Variants in RBL2 observed in about 807,000 individuals in gnomAD.
RBL2 encodes RB transcriptional corepressor like 2.
In RBL2, 56 loss-of-function variants were observed where a neutral mutation model predicts 126.0. The ratio of observed to expected loss-of-function variants is 0.44; its 90% CI spans 0.36 to 0.56. The LOEUF (loss-of-function observed/expected upper bound fraction) is 0.56, where lower values mean the gene tolerates loss of function less well. Ranked by LOEUF, RBL2 falls within the 20% of genes least tolerant of loss-of-function variation. RBL2 has a pLI of 0.00. For synonymous variants in RBL2, 454 were observed against 478.5 expected, an observed-to-expected ratio of 0.95 and a Z score of 0.67; for missense variants, 1,229 against 1,398.2, an observed-to-expected ratio of 0.88 and a Z score of 1.93.
At chr16:53,435,821 G>C in intron 1 of RBL2, 1 of 1,164,634 alleles carries the variant, frequency 8.6e-7, no homozygotes, top group Non-Finnish European at 1.1e-6. Flanking sequence ...TGCATTAATA[G>C]AATTTTAATT....
intron 20 of RBL2, 41 bp from the exon 21 acceptor site, chr16:53,481,630 A>C (rs1156386233): frequency 4.2e-6 from 6 of 1,442,756 alleles, no homozygotes; most frequent in Admixed American, 2.5e-5. Flanking sequence ...AATAATTATA[A>C]ATTTTTTTCT....
chr16:53,480,269 T>A, intron 19 of RBL2: 1 of 523,208 alleles, frequency 1.9e-6, no homozygotes. Context: ...GGAACCATGC[T>A]ATGGAAATAC....
chr16:53,482,798 G>A (rs1306046349), intron 21 of RBL2, among the ~76,000 whole-genome samples: 5 of 119,114 alleles, frequency 4.2e-5, no homozygotes, highest in East Asian at 5.0e-4. Flanking sequence ...TGACAAAAGC[G>A]AAACTCACTG....
At chr16:53,486,676 G>A (rs1160206695) in intron 21 of RBL2, among the ~76,000 whole-genome samples, 2 of 152,168 alleles carry the variant, frequency 1.3e-5, no homozygotes, top group Admixed American at 1.3e-4. Context: ...ATACTTAATG[G>A]TGATAGACTG....
intron 8 of RBL2, 66 bp downstream of exon 8, chr16:53,454,908 TTG>T: frequency 7.3e-7 from 1 of 1,371,238 alleles, no homozygotes; most frequent in Non-Finnish European, 9.7e-7. Context: ...CTTTTTTATT[TTG>T]GTAATTTCAT....
At chr16:53,447,732 C>T (rs1052558299) in intron 4 of RBL2, among the ~76,000 whole-genome samples, 3 of 151,264 alleles carry the variant, frequency 2.0e-5, no homozygotes, top group East Asian at 1.9e-4. Flanking sequence ...GCAGCCTACA[C>T]CTCCCAGGTT....
At position 53,442,810 on chromosome 16, in the gene RBL2, A is replaced by G. The variant is rs770008801; in HGVS notation, c.524A>G (p.Lys175Arg). 5.8e-5 allele frequency: 93 copies of G among 1,613,656 alleles called. 2 individuals carry two copies. The South Asian group carries it at 9.9e-4, about 17-fold the overall frequency. ...KYEPIFQDIFKYPQEEQPRQQ... is the reference protein window; with the variant it reads ...KYEPIFQDIFRYPQEEQPRQQ... ...GAACCCATTTTTCAGGACATCTTTAAATACCCTCAAGAGGAGCAACCTCGT... is the reference window on the plus strand; with the variant it reads ...GAACCCATTTTTCAGGACATCTTTAGATACCCTCAAGAGGAGCAACCTCGT... Residue 175 changes from lysine (K) to arginine (R), a missense_variant, in exon 3 of 22, where the codon AAA (lysine) becomes AGA (arginine). By Grantham distance (26) the Lys-to-Arg change is conservative. Coordinates refer to ENST00000262133, the MANE Select transcript of RBL2 (RefSeq NM_005611.4).
Position 53,480,717 on chromosome 16 carries a change from A to T in RBL2, c.3032A>T (p.Asn1011Ile), listed in dbSNP as rs1276272802. Residue 1011 changes from asparagine (N) to isoleucine (I), a missense_variant, in exon 20 of 22, where the codon AAC (asparagine) becomes ATC (isoleucine). Coordinates refer to ENST00000262133, the MANE Select transcript of RBL2 (RefSeq NM_005611.4). The part of the protein sequence containing the change: ...ERGDLIQFYN[N>I]IYIKQIKTFA... Reference sequence around the variant, plus strand: ...GGAGACCTCATTCAGTTCTACAACAACATCTACATCAAACAGATTAAGACA... The same window carrying T: ...GGAGACCTCATTCAGTTCTACAACATCATCTACATCAAACAGATTAAGACA... 3.7e-6 allele frequency: 6 copies of T among 1,613,500 alleles called. No individual in the cohort carries two copies. Among genetic ancestry groups the T allele is most frequent in the Non-Finnish European group, 4.2e-6 (5 of 1,180,010 alleles).
At chr16:53,466,799 C>A (rs1221002369) in intron 13 of RBL2, 3 of 316,772 alleles carry the variant, frequency 9.5e-6, no homozygotes. Flanking sequence ...TTGGGGACTC[C>A]TGCTTTAGAG....
intron 10 of RBL2, 45 bp downstream of exon 10, chr16:53,461,895 C>A: frequency 6.8e-7 from 1 of 1,471,776 alleles, no homozygotes; most frequent in Non-Finnish European, 9.5e-7. Flanking sequence ...TGAAGTTTAA[C>A]TAAATGGAGT....
At chr16:53,471,845 ACTCACCAC>A (rs1346565914) in intron 17 of RBL2, among the ~76,000 whole-genome samples, 2 of 152,142 alleles carry the variant, frequency 1.3e-5, no homozygotes, top group Non-Finnish European at 2.9e-5. Flanking sequence ...ATGGTTGTAT[ACTCACCAC>A]CTCTGTCTAG....
At position 53,483,943 on chromosome 16, in the gene RBL2, A is replaced by AAG. The variant is rs1555570398; in HGVS notation, c.3249+2108_3249+2109insAG. ...TATCATAGTAAAAAAAAAAAAAAAA[A>AAG]GGTGTAAAGGTGTCACGTGCTTTGG... On this transcript the variant is annotated intron_variant, in intron 21 of 21. Coordinates refer to ENST00000262133, the MANE Select transcript of RBL2 (RefSeq NM_005611.4). 1.9e-3 allele frequency among the ~76,000 whole-genome samples: 272 copies of AAG among 141,500 alleles called. 2 individuals carry two copies. Among genetic ancestry groups the AAG allele is most frequent in the African/African-American group, 6.9e-3 (258 of 37,282 alleles). 92.8% of individuals were successfully genotyped at this position (141,500 alleles called of 152,430 possible).
Position 53,470,513 on chromosome 16 carries a change from A to G in RBL2, c.2376A>G (p.Gln792=). The G allele has an allele frequency of 1.2e-6, 2 of 1,614,164 alleles. No individual in the cohort carries two copies. Among genetic ancestry groups the G allele is most frequent in the South Asian group, 1.1e-5 (1 of 91,082 alleles). The change falls in exon 16 of 22, where the codon CAA becomes CAG. Residue 792 remains glutamine (Q), a synonymous_variant. Transcript: ENST00000262133. ...CCCTGGCTGGAAGTCTGAGCTCTCAACAGGTGACAGGAACAACTTTGCAAG... is the reference window on the plus strand; with the variant it reads ...CCCTGGCTGGAAGTCTGAGCTCTCAGCAGGTGACAGGAACAACTTTGCAAG... ...AQALAGSLSS[Q]QVTGTTLQVP...
intron 3 of RBL2, among the ~76,000 whole-genome samples, chr16:53,443,964 C>T (rs980328672): frequency 6.6e-5 from 10 of 152,198 alleles, no homozygotes; most frequent in Admixed American, 1.3e-4. Context: ...ATGAAGCATT[C>T]TGAGCCAGGC....
intron 2 of RBL2, among the ~76,000 whole-genome samples, chr16:53,440,963 T>TC: frequency 7.3e-6 from 1 of 136,450 alleles, no homozygotes; most frequent in South Asian, 2.5e-4. Context: ...CTTTTTTTTT[T>TC]TTTTTTTTTT....
intron 21 of RBL2, among the ~76,000 whole-genome samples, chr16:53,483,959 C>T (rs929806993): frequency 2.4e-5 from 3 of 123,040 alleles, no homozygotes; most frequent in South Asian, 2.5e-4. Context: ...AAAGGTGTCA[C>T]GTGCTTTGGA....
chr16:53,479,831 A>T, intron 18 of RBL2, 55 bp from the exon 19 acceptor site: 1 of 1,227,704 alleles, frequency 8.1e-7, no homozygotes, highest in Non-Finnish European at 1.2e-6. Context: ...TCCTATCACC[A>T]AGGGTGTGCT....
chr16:53,475,340 T>C lies in RBL2; in HGVS notation c.2704-3814T>C, dbSNP rs539123591. The stretch of plus-strand genomic sequence containing the variant: ...CAGTGATTCTTGTGCCTCAGCCTCC[T>C]GAGTAGTTGGGACTACAGGCCTGTG... On this transcript the variant is annotated intron_variant, in intron 17 of 21. Transcript: ENST00000262133. Among the ~76,000 whole-genome samples the C allele has an allele frequency of 3.3e-5, 5 of 152,256 alleles. No homozygotes were observed. The South Asian group carries it at 1.0e-3, about 32-fold the overall frequency.
At chr16:53,467,255 G>A in intron 14 of RBL2, 86 bp downstream of exon 14, 2 of 1,062,122 alleles carry the variant, frequency 1.9e-6, no homozygotes, top group Non-Finnish European at 2.8e-6. Flanking sequence ...AAGTTAATAG[G>A]GTATACATAG....
Sources: allele counts gnomAD v4.1 joint callset (sites outside exome capture counted in the v4.1 genomes callset), GRCh38; gene constraint gnomAD v4.1.1; transcripts MANE v1.5; gene names NCBI Gene and HGNC (gene_info 2026-07-23, HGNC 2026-07-21).